FSTL4: variants seen among roughly 807,000 people sequenced by gnomAD.
FSTL4 encodes follistatin like 4.
In FSTL4, 28 loss-of-function variants were observed where a neutral mutation model predicts 78.2. That is an observed-to-expected ratio of 0.36 (90% confidence interval 0.27 to 0.49). The LOEUF (loss-of-function observed/expected upper bound fraction) is 0.49, where lower values mean the gene tolerates loss of function less well. FSTL4 is among the 20% of genes least tolerant of loss of function. The probability of loss-of-function intolerance (pLI) is 0.98; values close to 1 mark genes in which losing one functional copy is unlikely to be tolerated. For missense variants in FSTL4, 922 were observed against 1,084.9 expected, an observed-to-expected ratio of 0.85 and a Z score of 2.11; for synonymous variants, 422 against 440.5, an observed-to-expected ratio of 0.96 and a Z score of 0.53.
chr5:133,657,219 G>A, the FSTL4 span, among the ~76,000 whole-genome samples: 143 of 152,266 alleles, frequency 9.4e-4, 2 homozygotes, highest in Admixed American at 8.7e-3. Context: ...GAAAGCCCCC[G>A]CTAGACACAC....
At chr5:133,414,738 C>T (rs187528982) in intron 3 of FSTL4, among the ~76,000 whole-genome samples, 10 of 152,214 alleles carry the variant, frequency 6.6e-5, no homozygotes, top group Admixed American at 2.0e-4. Flanking sequence ...AGGTAAATAC[C>T]GGGGTATTAT....
At chr5:133,411,988 A>G (rs141676126) in intron 3 of FSTL4, among the ~76,000 whole-genome samples, 333 of 152,286 alleles carry the variant, frequency 2.2e-3, no homozygotes, top group Middle Eastern at 0.01. Flanking sequence ...ATATTAGTAA[A>G]CAAATTTGAC....
intron 1 of FSTL4, among the ~76,000 whole-genome samples, chr5:133,605,228 T>C (rs113351905): frequency 9.0e-4 from 137 of 152,232 alleles, no homozygotes; most frequent in Non-Finnish European, 9.3e-4. Context: ...TTAGGGGTTA[T>C]TGATTTCTGC....
the FSTL4 span, among the ~76,000 whole-genome samples, chr5:133,668,368 G>A: frequency 3.9e-5 from 6 of 152,328 alleles, no homozygotes; most frequent in South Asian, 1.2e-3. Context: ...TGGCTGGTCA[G>A]GGGAGGGATG....
intron 6 of FSTL4, among the ~76,000 whole-genome samples, chr5:133,288,749 C>T (rs1412493226): frequency 6.6e-6 from 1 of 152,192 alleles, no homozygotes; most frequent in South Asian, 2.1e-4. Context: ...GCTCTGGCCT[C>T]GCTTGACTGA....
chr5:133,228,837 A>G (rs1751408073), intron 8 of FSTL4, among the ~76,000 whole-genome samples: 2 of 152,346 alleles, frequency 1.3e-5, no homozygotes, highest in South Asian at 4.1e-4. Flanking sequence ...AAAAAGAAAA[A>G]GGACAAAGGA....
the FSTL4 span, among the ~76,000 whole-genome samples, chr5:133,817,696 C>T: frequency 6.6e-6 from 1 of 152,154 alleles, no homozygotes; most frequent in Non-Finnish European, 1.5e-5. Context: ...CTCCCATGGG[C>T]AGAACTTGGC....
intron 6 of FSTL4, among the ~76,000 whole-genome samples, chr5:133,307,532 T>A (rs11750439): frequency 0.53 from 80,953 of 151,990 alleles, 23,310 homozygotes; most frequent in Middle Eastern, 0.67. Flanking sequence ...TGCTGACACA[T>A]GTTAAATGCT....
intron 3 of FSTL4, among the ~76,000 whole-genome samples, chr5:133,439,894 A>G (rs907136242): frequency 6.6e-6 from 1 of 152,230 alleles, no homozygotes; most frequent in Non-Finnish European, 1.5e-5. Flanking sequence ...TGCCTTCATT[A>G]GGAATTCACT....
At chr5:133,448,777 C>T (rs923089386) in intron 3 of FSTL4, among the ~76,000 whole-genome samples, 3 of 150,488 alleles carry the variant, frequency 2.0e-5, no homozygotes, top group Non-Finnish European at 4.4e-5. Flanking sequence ...GCCTTTTGCG[C>T]AAACTCCCCA....
At chr5:133,691,473 C>G in the FSTL4 span, among the ~76,000 whole-genome samples, 2 of 152,150 alleles carry the variant, frequency 1.3e-5, no homozygotes, top group South Asian at 2.1e-4. Flanking sequence ...CATCTAAATT[C>G]TGAGCTGCCC....
In FSTL4 at chr5:133,225,965, T is replaced by C; in HGVS notation, c.1016-146A>G. 1.9e-6 allele frequency: 1 copy of C among 522,158 alleles called. No homozygotes were observed. Among genetic ancestry groups the C allele is most frequent in the Non-Finnish European group, 3.3e-6 (1 of 301,396 alleles). The allele number at this position is 522,158 out of a possible 1,614,324, so 32.3% of individuals were successfully genotyped here. Reference sequence around the variant, plus strand: ...GTTTAACCAAATTATAATAATCCTGTCCAGCAACGCAAGCTCTAAAAGAAA... The same window carrying C: ...GTTTAACCAAATTATAATAATCCTGCCCAGCAACGCAAGCTCTAAAAGAAA... On this transcript the variant is annotated intron_variant, in intron 8 of 15. Transcript: ENST00000265342. This position sits in a 1 kb window ranked among gnomAD's most constrained non-coding sequence, Gnocchi z 4.6.
chr5:133,832,901 T>A, the FSTL4 span, among the ~76,000 whole-genome samples: 1 of 152,232 alleles, frequency 6.6e-6, no homozygotes, highest in African/African-American at 2.4e-5. Context: ...TGTATTCCCA[T>A]AAAACTTTAC....
the FSTL4 span, among the ~76,000 whole-genome samples, chr5:133,756,695 G>C: frequency 6.6e-6 from 1 of 152,100 alleles, no homozygotes; most frequent in African/African-American, 2.4e-5. Flanking sequence ...AGGCAGGGAG[G>C]GTAGAGTTGT....
At chr5:133,414,887 A>C (rs1481705514) in intron 3 of FSTL4, among the ~76,000 whole-genome samples, 1 of 152,218 alleles carries the variant, frequency 6.6e-6, no homozygotes. Context: ...AAGCAAGTTT[A>C]AACTCTCCTG....
At chr5:133,743,946 A>G in the FSTL4 span, among the ~76,000 whole-genome samples, 40 of 152,198 alleles carry the variant, frequency 2.6e-4, no homozygotes, top group African/African-American at 8.9e-4. Flanking sequence ...TGAGATATAA[A>G]TGTTTCTACT....
the FSTL4 span, among the ~76,000 whole-genome samples, chr5:133,641,599 T>C: frequency 2.0e-5 from 3 of 152,344 alleles, no homozygotes; most frequent in South Asian, 6.2e-4. Flanking sequence ...TGTTTGTGTA[T>C]ATATGTGTAT....
chr5:133,784,584 G>A, the FSTL4 span, among the ~76,000 whole-genome samples: 2 of 152,186 alleles, frequency 1.3e-5, no homozygotes, highest in African/African-American at 4.8e-5. Context: ...AAGTGGCAGA[G>A]CAGGGATATG....
At chr5:133,311,546 C>T (rs1485491243) in intron 6 of FSTL4, among the ~76,000 whole-genome samples, 1 of 152,222 alleles carries the variant, frequency 6.6e-6, no homozygotes. Context: ...CACAAGAGCC[C>T]TTCTTGCCAA....
Sources: gnomAD v4.1 joint callset for allele counts (sites outside exome capture counted in the v4.1 genomes callset) on GRCh38, gnomAD v4.1.1 for gene constraint, Gnocchi (gnomAD v3.1) non-coding constraint, MANE v1.5 for transcripts, NCBI Gene and HGNC (gene_info 2026-07-23, HGNC 2026-07-21) for gene names.